OTOP1: variants seen among roughly 807,000 people sequenced by gnomAD.
The protein encoded by OTOP1 is proton channel OTOP1.
In OTOP1, 59 loss-of-function variants were observed where a neutral mutation model predicts 52.9. The ratio of observed to expected loss-of-function variants is 1.12; its 90% CI spans 0.91 to 1.39. OTOP1 has a LOEUF of 1.39. OTOP1 is among the 40% of genes most tolerant of loss of function. The pLI is 0.00. For synonymous variants in OTOP1, 317 were observed against 337.7 expected, an observed-to-expected ratio of 0.94 and a Z score of 0.67; for missense variants, 761 against 800.9, an observed-to-expected ratio of 0.95 and a Z score of 0.60.
At chr4:4,191,776 C>T (rs1716513993) in intron 5 of OTOP1, among the ~76,000 whole-genome samples, 1 of 152,170 alleles carries the variant, frequency 6.6e-6, no homozygotes, top group Non-Finnish European at 1.5e-5. Context: ...GATGGTTTTG[C>T]CTGCTGTTGC....
intron 1 of OTOP1, among the ~76,000 whole-genome samples, chr4:4,220,103 A>T (rs1051769541): frequency 0.4 from 21,515 of 53,220 alleles, 3,265 homozygotes; most frequent in African/African-American, 0.55. Flanking sequence ...ATATATATAT[A>T]TATTTTTTTT....
intron 4 of OTOP1, among the ~76,000 whole-genome samples, chr4:4,198,818 G>A (rs1037946064): frequency 2.6e-5 from 4 of 152,124 alleles, no homozygotes; most frequent in South Asian, 2.1e-4. Context: ...CCCTAAAGGC[G>A]ATGCAGTCTC....
intron 3 of OTOP1, 30 bp from the exon 4 acceptor site, chr4:4,202,608 C>T (rs888991349): frequency 3.1e-6 from 5 of 1,611,412 alleles, no homozygotes; most frequent in Non-Finnish European, 4.2e-6. Context: ...AGTTCTCAAG[C>T]AGCCCTGGGA....
chr4:4,201,482 A>ACT (rs1230633478), intron 4 of OTOP1, among the ~76,000 whole-genome samples: 1 of 151,384 alleles, frequency 6.6e-6, no homozygotes, highest in Non-Finnish European at 1.5e-5. Flanking sequence ...ACACACACAC[A>ACT]CACACACACA....
At chr4:4,193,135 TAG>T (rs1300215997) in intron 5 of OTOP1, among the ~76,000 whole-genome samples, 1 of 152,188 alleles carries the variant, frequency 6.6e-6, no homozygotes, top group African/African-American at 2.4e-5. Flanking sequence ...GCGTTTAGGA[TAG>T]AGTCTTGGCT....
At chr4:4,209,598 CA>C (rs1250184031) in intron 2 of OTOP1, among the ~76,000 whole-genome samples, 5 of 152,158 alleles carry the variant, frequency 3.3e-5, no homozygotes, top group Non-Finnish European at 7.3e-5. Flanking sequence ...CAGCCTTGAC[CA>C]AGAATTTGCT....
rs752813686 is a variant in OTOP1, at chr4:4,197,660, C to A, written c.1174G>T (p.Asp392Tyr). 5 of 1,613,666 alleles carry A rather than the reference C, an allele frequency of 3.1e-6. No individual in the cohort carries two copies. The South Asian group carries it at 5.5e-5, about 18-fold the overall frequency. The change falls in exon 5 of 6, where the codon GAC becomes TAC. Residue 392 changes from aspartate to tyrosine, a missense_variant. This residue lies in a region of OTOP1 where 632 missense variants were observed against 619.5 expected (regional missense o/e 1.02). Transcript: ENST00000296358. ...SKNPARKLDS[D>Y]LLVGTASGSW... ...CCCGAGGCAGTGCCCACCAAGAGGT[C>A]CGAGTCCAGTTTGCGGGCCGGATTT...
Position 4,198,081 on chromosome 4 carries a change from C to A in OTOP1, c.753G>T (p.Gln251His). Residue 251 changes from glutamine to histidine, a missense_variant, in exon 5 of 6, where the codon CAG (glutamine) becomes CAT (histidine). Around this residue, in one of 3 missense-constraint regions of OTOP1, gnomAD observed 632 missense variants for 619.5 expected, o/e 1.02. Transcript: ENST00000296358. Reference sequence around the variant, plus strand: ...ACAGAGTTGGGGGCGTGCAGTTACACTGCGGTGTGTGGTCATCTAAAACTA... The same window carrying A: ...ACAGAGTTGGGGGCGTGCAGTTACAATGCGGTGTGTGGTCATCTAAAACTA... ...ITTVLDDHTP[Q>H]CNCTPPTLCT... 1 of 1,613,918 alleles carries A rather than the reference C, an allele frequency of 6.2e-7. No homozygotes were observed. The highest frequency in any genetic ancestry group is 8.5e-7 in the Non-Finnish European group (1 of 1,179,824).
intron 1 of OTOP1, among the ~76,000 whole-genome samples, chr4:4,217,712 G>C (rs549362518): frequency 6.6e-6 from 1 of 152,182 alleles, no homozygotes; most frequent in South Asian, 2.1e-4. Flanking sequence ...AGGGAACTGA[G>C]GTTGAAGGTA....
chr4:4,219,431 GT>G (rs1249674378), intron 1 of OTOP1, among the ~76,000 whole-genome samples: 8 of 152,172 alleles, frequency 5.3e-5, no homozygotes, highest in East Asian at 1.9e-4. Context: ...GCCGGGCGCG[GT>G]GGCTCACGCC....
At chr4:4,189,870 T>G (rs1716464496) in intron 5 of OTOP1, among the ~76,000 whole-genome samples, 1 of 152,232 alleles carries the variant, frequency 6.6e-6, no homozygotes, top group African/African-American at 2.4e-5. Context: ...ACAAATCCTC[T>G]GCCACCTCTC....
chr4:4,198,024 G>C lies in OTOP1; in HGVS notation c.810C>G (p.Leu270=). 8.1e-6 allele frequency: 13 copies of C among 1,614,138 alleles called. No homozygotes were observed. The highest frequency in any genetic ancestry group is 1.1e-5 in the Non-Finnish European group (13 of 1,179,986). Residue 270 remains leucine (L), a synonymous_variant, in exon 5 of 6, where the codon CTC becomes CTG. Transcript: ENST00000296358. Reference sequence around the variant, plus strand: ...TCTGATACTCTATGTTGAAGGGGTAGAGGTAGTAGATCCCGTGGGAGATGG... The same window carrying C: ...TCTGATACTCTATGTTGAAGGGGTACAGGTAGTAGATCCCGTGGGAGATGG... ...CTAISHGIYY[L]YPFNIEYQIL...
At chr4:4,215,120 T>C (rs1717111135) in intron 1 of OTOP1, among the ~76,000 whole-genome samples, 1 of 151,842 alleles carries the variant, frequency 6.6e-6, no homozygotes, top group African/African-American at 2.4e-5. Flanking sequence ...TAATAATTAT[T>C]TCTAAATAAA....
chr4:4,207,634 G>C (rs1392249039), intron 2 of OTOP1, among the ~76,000 whole-genome samples: 1 of 150,688 alleles, frequency 6.6e-6, no homozygotes, highest in Non-Finnish European at 1.5e-5. Flanking sequence ...GTGAAAGCAA[G>C]TTCTCACAAA....
intron 1 of OTOP1, among the ~76,000 whole-genome samples, chr4:4,219,868 TACATATATGTATATATAC>T (rs1179491427): frequency 3.2e-4 from 47 of 146,530 alleles, no homozygotes; most frequent in Admixed American, 1.2e-3. Flanking sequence ...TATATATGTA[TACATATATGTATATATAC>T]ACATATATGT....
chr4:4,219,574 T>C (rs142751778), intron 1 of OTOP1, among the ~76,000 whole-genome samples: 1,596 of 151,550 alleles, frequency 0.011, 30 homozygotes, highest in African/African-American at 0.033. Context: ...TGGTGGCGGG[T>C]GCCTCCATGC....
At chr4:4,221,096 T>C (rs1198699653) in intron 1 of OTOP1, among the ~76,000 whole-genome samples, 2 of 133,942 alleles carry the variant, frequency 1.5e-5, no homozygotes, top group East Asian at 4.2e-4. Context: ...TTTTATTTTA[T>C]TGAGATGGAG....
chr4:4,200,848 G>A (rs1405649023), intron 4 of OTOP1, among the ~76,000 whole-genome samples: 1 of 151,490 alleles, frequency 6.6e-6, no homozygotes, highest in African/African-American at 2.4e-5. Context: ...ATGAGTCACT[G>A]CCCCCGATAA....
At chr4:4,204,526 C>T (rs1294177389) in intron 3 of OTOP1, among the ~76,000 whole-genome samples, 4 of 152,228 alleles carry the variant, frequency 2.6e-5, no homozygotes, top group African/African-American at 9.6e-5. Context: ...ACTGTTCTGC[C>T]ACGCAAGCTC....
Sources: gnomAD v4.1 joint callset for allele counts (sites outside exome capture counted in the v4.1 genomes callset) on GRCh38, gnomAD v4.1.1 for gene constraint, gnomAD v4.1.1 regional missense constraint, MANE v1.5 for transcripts, NCBI Gene and HGNC (gene_info 2026-07-23, HGNC 2026-07-21) for gene names.